Variants in TRPC4 observed in about 807,000 individuals in gnomAD.
TRPC4 encodes the protein short transient receptor potential channel 4.
In TRPC4, 49 loss-of-function variants were observed where a neutral mutation model predicts 99.4. That is an observed-to-expected ratio of 0.49 (90% CI 0.39 to 0.63). The LOEUF (loss-of-function observed/expected upper bound fraction) is 0.63, where lower values mean the gene tolerates loss of function less well. TRPC4 is among the 20% of genes least tolerant of loss of function. TRPC4 has a pLI of 0.00. For missense variants in TRPC4, 898 were observed against 1,152.9 expected (o/e 0.78, Z 3.20); for synonymous variants, 454 against 425.9 (o/e 1.07, Z -0.81).
intron 3 of TRPC4, among the ~76,000 whole-genome samples, chr13:37,738,652 A>G (rs1048889792): frequency 4.1e-4 from 62 of 152,236 alleles, no homozygotes; most frequent in African/African-American, 1.5e-3. Flanking sequence ...TCCAGATAAA[A>G]CCCATTGCAA....
intron 1 of TRPC4, among the ~76,000 whole-genome samples, chr13:37,787,363 A>G (rs1325642327): frequency 6.6e-6 from 1 of 152,076 alleles, no homozygotes; most frequent in Non-Finnish European, 1.5e-5. Context: ...CTAATATGAA[A>G]TAACTTTTCC....
intron 1 of TRPC4, among the ~76,000 whole-genome samples, chr13:37,789,268 C>T (rs1241789700): frequency 2.0e-5 from 3 of 152,162 alleles, no homozygotes; most frequent in Non-Finnish European, 4.4e-5. Context: ...CTCTAAGCCT[C>T]TTATACTGCT....
rs1413369410 is a variant in TRPC4, at chr13:37,779,958, A to AT, written c.378+2997dup. ...TAACTTCATCATTTTCTGAGGATTC[A>AT]TTTTCATCTCTTCAGTTCTGACAGC... On this transcript the variant is annotated intron_variant, in intron 2 of 10. Coordinates refer to ENST00000379705, the MANE Select transcript of TRPC4 (RefSeq NM_016179.4). Among the ~76,000 whole-genome samples the AT allele has an allele frequency of 5.3e-5, 8 of 152,150 alleles. No homozygotes were observed. In the East Asian group the frequency reaches 1.6e-3, roughly 30 times the overall value.
chr13:37,765,398 A>T (rs1411802631), intron 2 of TRPC4, among the ~76,000 whole-genome samples: 4 of 151,436 alleles, frequency 2.6e-5, no homozygotes, highest in Non-Finnish European at 4.4e-5. Flanking sequence ...CTGGCAAAAG[A>T]TTTAATGTTC....
Position 37,663,871 on chromosome 13 carries a change from A to G in TRPC4, c.1375-142T>C, listed in dbSNP as rs1566078931. ...TTTCGATTTTTGAACACACTTGCCAATTCTAGAGGAACACATGTAGGATAC... is the reference window on the plus strand; with the variant it reads ...TTTCGATTTTTGAACACACTTGCCAGTTCTAGAGGAACACATGTAGGATAC... On this transcript the variant is annotated intron_variant, in intron 5 of 10. Coordinates refer to ENST00000379705, the MANE Select transcript of TRPC4 (RefSeq NM_016179.4). The G allele has an allele frequency of 5.8e-6, 4 of 689,738 alleles. No individual in the cohort carries two copies. In the East Asian group the frequency reaches 8.2e-5, roughly 14 times the overall value. The allele number at this position is 689,738 out of a possible 1,614,324, so 42.7% of individuals were successfully genotyped here. A position where few individuals can be genotyped will look rare whatever the true frequency, so the allele number is the denominator to read the frequency against.
At chr13:37,738,235 G>T (rs1204631264) in intron 3 of TRPC4, among the ~76,000 whole-genome samples, 1 of 152,168 alleles carries the variant, frequency 6.6e-6, no homozygotes, top group African/African-American at 2.4e-5. Context: ...TAAGGAAATG[G>T]CAGGGTGGAT....
rs144953015 is a variant in TRPC4 at position 37,661,135 on chromosome 13, T to C, written c.1688+2281A>G. Among the ~76,000 whole-genome samples, 355 of 152,314 alleles carry C rather than the reference T, an allele frequency of 2.3e-3. 1 individual carries two copies. Among genetic ancestry groups the C allele is most frequent in the Non-Finnish European group, 4.0e-3 (271 of 68,020 alleles). On this transcript the variant is annotated intron_variant, in intron 6 of 10. Coordinates refer to ENST00000379705, the MANE Select transcript of TRPC4 (RefSeq NM_016179.4). ...CTATAGTATTTAAGATATGTAATTATATGTTGCTTTTCATGACAATAGAGG... is the reference window on the plus strand; with the variant it reads ...CTATAGTATTTAAGATATGTAATTACATGTTGCTTTTCATGACAATAGAGG...
intron 1 of TRPC4, among the ~76,000 whole-genome samples, chr13:37,842,490 G>A (rs1373823815): frequency 1.3e-5 from 2 of 151,556 alleles, no homozygotes; most frequent in Non-Finnish European, 2.9e-5. Flanking sequence ...CTGTTGTATT[G>A]AAATAGGTAC....
At chr13:37,657,764 CATT>C (rs1438853265) in intron 6 of TRPC4, among the ~76,000 whole-genome samples, 1 of 151,918 alleles carries the variant, frequency 6.6e-6, no homozygotes, top group African/African-American at 2.4e-5. Context: ...TTTTAGGAAA[CATT>C]AATAAATACT....
chr13:37,740,744 C>A (rs1955561357), intron 3 of TRPC4, among the ~76,000 whole-genome samples: 2 of 152,112 alleles, frequency 1.3e-5, no homozygotes, highest in Non-Finnish European at 2.9e-5. Flanking sequence ...AGAAACAGAA[C>A]CAACAATCTT....
chr13:37,745,499 CGTATATAT>C (rs1955737672), intron 3 of TRPC4, among the ~76,000 whole-genome samples: 1 of 111,804 alleles, frequency 8.9e-6, no homozygotes, highest in African/African-American at 4.1e-5. Context: ...CTTATATATA[CGTATATAT>C]GTATATATAT....
At chr13:37,745,458 A>ATATATATGCGTG (rs1555265726) in intron 3 of TRPC4, among the ~76,000 whole-genome samples, 94 of 6,586 alleles carry the variant, frequency 0.014, 1 homozygote, top group Admixed American at 0.088. Flanking sequence ...ATATATATAT[A>ATATATATGCGTG]TATATATATA....
chr13:37,860,780 A>T (rs144299462), intron 1 of TRPC4, among the ~76,000 whole-genome samples: 140 of 151,666 alleles, frequency 9.2e-4, no homozygotes, highest in Non-Finnish European at 1.7e-3. Flanking sequence ...ATAAGCCTCC[A>T]ATCCTAGATC....
Position 37,783,375 on chromosome 13 carries a change from A to C in TRPC4, c.-27-15T>G. ...TTTCTTCGTCTCTGAAAGTAGAAAC[A>C]AAAAACACAAAGATTAGTGTTAATA... On this transcript the variant is annotated splice_polypyrimidine_tract_variant and intron_variant, in intron 1 of 10. Coordinates refer to ENST00000379705, the MANE Select transcript of TRPC4 (RefSeq NM_016179.4). 1 of 1,501,030 alleles carries C rather than the reference A, an allele frequency of 6.7e-7. No homozygotes were observed. Among genetic ancestry groups the C allele is most frequent in the Non-Finnish European group, 8.9e-7 (1 of 1,126,900 alleles). The allele number at this position is 1,501,030 out of a possible 1,614,324, so 93.0% of individuals were successfully genotyped here.
At chr13:37,867,349 C>T (rs944739666) in intron 1 of TRPC4, among the ~76,000 whole-genome samples, 1 of 151,886 alleles carries the variant, frequency 6.6e-6, no homozygotes, top group Non-Finnish European at 1.5e-5. Context: ...CAGTTTTCAG[C>T]TGCTAAATAT....
intron 3 of TRPC4, among the ~76,000 whole-genome samples, chr13:37,697,680 G>A (rs1207654034): frequency 2.0e-5 from 3 of 152,146 alleles, no homozygotes; most frequent in Non-Finnish European, 4.4e-5. Flanking sequence ...GCTGAGTCCA[G>A]TAACATTGAA....
intron 3 of TRPC4, among the ~76,000 whole-genome samples, chr13:37,702,745 C>T (rs905909803): frequency 6.6e-6 from 1 of 152,096 alleles, no homozygotes; most frequent in African/African-American, 2.4e-5. Flanking sequence ...TACACATAGG[C>T]AGTCAGCTAT....
rs1040659814 is a variant in TRPC4 at position 37,632,609 on chromosome 13, A to G, written c.*4294T>C. ...GCCTAGTAACGGTGTGACTGTATCC[A>G]GGCTTGGTCCCATTGTCCCAATCTT... On this transcript the variant is annotated 3_prime_UTR_variant, in exon 11 of 11. Coordinates refer to ENST00000379705, the MANE Select transcript of TRPC4 (RefSeq NM_016179.4). Among the ~76,000 whole-genome samples, 6 of 152,194 alleles carry G rather than the reference A, an allele frequency of 3.9e-5. No individual in the cohort carries two copies. Among genetic ancestry groups the G allele is most frequent in the Admixed American group, 3.9e-4 (6 of 15,270 alleles).
At chr13:37,864,621 C>G (rs1177645085) in intron 1 of TRPC4, among the ~76,000 whole-genome samples, 2 of 151,604 alleles carry the variant, frequency 1.3e-5, no homozygotes, top group Non-Finnish European at 3.0e-5. Flanking sequence ...CAAACTCACA[C>G]AGTTTTGAAA....
Sources: allele counts gnomAD v4.1 joint callset (sites outside exome capture counted in the v4.1 genomes callset), GRCh38; gene constraint gnomAD v4.1.1; transcripts MANE v1.5; gene names NCBI Gene and HGNC (gene_info 2026-07-23, HGNC 2026-07-21).